Variants in ADAP1 observed in about 807,000 individuals in gnomAD.
ADAP1 encodes the protein ArfGAP with dual PH domains 1.
In ADAP1, 31 loss-of-function variants were observed where a neutral mutation model predicts 54.9. The observed-to-expected ratio is 0.56, with a 90% confidence interval of 0.42 to 0.76. The LOEUF (loss-of-function observed/expected upper bound fraction) is 0.76, where lower values mean the gene tolerates loss of function less well. Ranked by LOEUF, ADAP1 falls within the 30% of genes least tolerant of loss-of-function variation. The probability of loss-of-function intolerance (pLI) is 0.00; values close to 1 mark genes in which losing one functional copy is unlikely to be tolerated. For synonymous variants in ADAP1, 313 were observed against 202.6 expected (o/e 1.55, Z -4.63); for missense variants, 535 against 512.4 (o/e 1.04, Z -0.42).
intron 8 of ADAP1, 48 bp downstream of exon 8, chr7:900,054 C>G: frequency 6.2e-7 from 1 of 1,607,112 alleles, no homozygotes; most frequent in Non-Finnish European, 8.5e-7. Context: ...CCGAGACCCA[C>G]CATGGCGTAC....
intron 4 of ADAP1, among the ~76,000 whole-genome samples, chr7:907,738 C>T (rs1358381576): frequency 6.6e-6 from 1 of 152,222 alleles, no homozygotes; most frequent in East Asian, 1.9e-4. Flanking sequence ...GTGTCCTGGG[C>T]TCCGTCTGCC....
At chr7:925,510 G>T (rs576301612) in intron 3 of ADAP1, among the ~76,000 whole-genome samples, 2 of 137,696 alleles carry the variant, frequency 1.5e-5, no homozygotes, top group Admixed American at 1.5e-4. Context: ...AGGGGCCTTC[G>T]GATCCAGTGA....
chr7:938,732 C>G lies in ADAP1; in HGVS notation c.83-3227G>C, dbSNP rs1846853946. 6.6e-6 allele frequency among the ~76,000 whole-genome samples: 1 copy of G among 152,212 alleles called. No homozygotes were observed. The highest frequency in any genetic ancestry group is 1.9e-4 in the East Asian group (1 of 5,206). On this transcript the variant is annotated intron_variant, in intron 1 of 10. Coordinates refer to ENST00000265846, the MANE Select transcript of ADAP1 (RefSeq NM_006869.4). The surrounding 1 kb of genome is among the most constrained non-coding windows in gnomAD (Gnocchi z 4.4). ...TTACAGGGGTAGCAGGCAACATGAGCCCAGCTGGGAACATCACCGCTCGGG... is the reference window on the plus strand; with the variant it reads ...TTACAGGGGTAGCAGGCAACATGAGGCCAGCTGGGAACATCACCGCTCGGG...
In ADAP1 at chr7:900,797, CGGGGCTGCTACACA is replaced by C. The variant is rs1328568042; in HGVS notation, c.649-195_649-182del. On this transcript the variant is annotated intron_variant, in intron 6 of 10. Coordinates refer to ENST00000265846, the MANE Select transcript of ADAP1 (RefSeq NM_006869.4). The stretch of plus-strand genomic sequence containing the variant: ...CTGGCCCCTGTGCCCACGCTGAGGC[CGGGGCTGCTACACA>C]GGGGCTGCCCCTCTGCGGGAGGGCA... 1.2e-5 allele frequency: 8 copies of C among 654,598 alleles called. No individual in the cohort carries two copies. The African/African-American group carries it at 1.3e-4, about 10-fold the overall frequency. 40.5% of individuals were successfully genotyped at this position (654,598 alleles called of 1,614,324 possible). A position where few individuals can be genotyped will look rare whatever the true frequency, so the allele number is the denominator to read the frequency against.
intron 3 of ADAP1, among the ~76,000 whole-genome samples, chr7:925,808 GC>G (rs1166591186): frequency 6.6e-6 from 1 of 152,252 alleles, no homozygotes; most frequent in Admixed American, 6.5e-5. Flanking sequence ...TGCGGGGTGG[GC>G]CCTCTGCTGA....
intron 2 of ADAP1, chr7:927,186 TG>T: frequency 7.7e-7 from 1 of 1,294,548 alleles, no homozygotes; most frequent in Non-Finnish European, 1.0e-6. Context: ...ACCCAGAACA[TG>T]TTTACGAAAC....
At chr7:947,656 T>G (rs1847177875) in intron 1 of ADAP1, among the ~76,000 whole-genome samples, 2 of 151,828 alleles carry the variant, frequency 1.3e-5, no homozygotes, top group Admixed American at 6.6e-5. Context: ...GCTTTGACCC[T>G]CCCCACACTC....
At chr7:908,733 G>C (rs1410647888) in intron 4 of ADAP1, among the ~76,000 whole-genome samples, 1 of 152,206 alleles carries the variant, frequency 6.6e-6, no homozygotes, top group Non-Finnish European at 1.5e-5. Context: ...GAAGTGCCCG[G>C]GGAGGCATCG....
Position 920,845 on chromosome 7 carries a change from G to A in ADAP1, c.306-795C>T, listed in dbSNP as rs1299930780. On this transcript the variant is annotated intron_variant, in intron 3 of 10. Coordinates refer to ENST00000265846, the MANE Select transcript of ADAP1 (RefSeq NM_006869.4). This position sits in a 1 kb window ranked among gnomAD's most constrained non-coding sequence, Gnocchi z 4.5. ...CACACACAGGCCCGGCACGGCCCAGGTGCACAGGCAGCCGCCCCAGCCTTT... is the reference window on the plus strand; with the variant it reads ...CACACACAGGCCCGGCACGGCCCAGATGCACAGGCAGCCGCCCCAGCCTTT... 3.2e-6 allele frequency: 5 copies of A among 1,550,146 alleles called. No homozygotes were observed. The highest frequency in any genetic ancestry group is 2.0e-5 in the Admixed American group (1 of 50,986).
At chr7:923,268 G>C (rs532632006) in intron 3 of ADAP1, 1 of 152,068 alleles carries the variant, frequency 6.6e-6, no homozygotes, top group Admixed American at 6.6e-5. Context: ...TCCACGGGGG[G>C]CTTGCTGGGG....
In ADAP1 at chr7:904,204, G is replaced by T. The variant is rs140582393; in HGVS notation, c.570C>A (p.Gly190=). 2.0e-5 allele frequency: 32 copies of T among 1,611,270 alleles called. No homozygotes were observed. Among genetic ancestry groups the T allele is most frequent in the African/African-American group, 1.2e-4 (9 of 74,840 alleles). Residue 190 remains glycine, a synonymous_variant, in exon 6 of 11, where the codon GGC becomes GGA. Coordinates refer to ENST00000265846, the MANE Select transcript of ADAP1 (RefSeq NM_006869.4). ...LNATFQPAKI[G]HPHGLQVTYL... ...AGGTGACCTGCAGGCCGTGGGGGTG[G>T]CCGATCTTGGCCGGCTGGAAGGTGG...
At position 938,661 on chromosome 7, in the gene ADAP1, C is replaced by T. The variant is rs1199857297; in HGVS notation, c.83-3156G>A. Among the ~76,000 whole-genome samples, 1 of 152,170 alleles carries T rather than the reference C, an allele frequency of 6.6e-6. No homozygotes were observed. Among genetic ancestry groups the T allele is most frequent in the African/African-American group, 2.4e-5 (1 of 41,436 alleles). ...GGGCGCCCAGAAGGCACGCCAGTCT[C>T]CGGGCCTCGGTCTCCTCATCTGTCG... On this transcript the variant is annotated intron_variant, in intron 1 of 10. Coordinates refer to ENST00000265846, the MANE Select transcript of ADAP1 (RefSeq NM_006869.4). The surrounding 1 kb of genome is among the most constrained non-coding windows in gnomAD (Gnocchi z 4.4).
At chr7:905,744 G>C (rs1845213506) in intron 4 of ADAP1, 2 of 52,100 alleles carry the variant, frequency 3.8e-5, no homozygotes, top group African/African-American at 1.8e-4. Context: ...AGGGAAAGGA[G>C]AAGGGAGAAG....
At chr7:951,453 C>T (rs1432639370) in intron 1 of ADAP1, among the ~76,000 whole-genome samples, 1 of 152,064 alleles carries the variant, frequency 6.6e-6, no homozygotes, top group East Asian at 1.9e-4. Flanking sequence ...CGCCCACACT[C>T]AGCAGCCTTC....
chr7:905,328 G>A (rs1845085874), intron 4 of ADAP1, 156 bp from the exon 5 acceptor site: 1 of 526,878 alleles, frequency 1.9e-6, no homozygotes, highest in Non-Finnish European at 3.5e-6. Context: ...GAGGGGACAT[G>A]GAGGAGACAG....
chr7:923,407 G>A (rs568365017), intron 3 of ADAP1: 1 of 151,902 alleles, frequency 6.6e-6, no homozygotes. Flanking sequence ...AGGAAGCAGG[G>A]AGGGGCCGGT....
At chr7:899,006 A>G (rs1844644115) in intron 10 of ADAP1, 27 bp downstream of exon 10, 2 of 1,609,554 alleles carry the variant, frequency 1.2e-6, no homozygotes. Flanking sequence ...GAGCCCTTCC[A>G]GGCCGCCGGC....
In ADAP1 at chr7:922,269, C is replaced by G. The variant is rs139417432; in HGVS notation, c.306-2219G>C. ...ACGCCCCAGGAAGTGCCCCAAGTTC[C>G]AGGGCTCAGGGGAGCCAGGCTTCAA... On this transcript the variant is annotated intron_variant, in intron 3 of 10. Transcript: ENST00000265846. Among the ~76,000 whole-genome samples, 589 of 152,272 alleles carry G rather than the reference C, an allele frequency of 3.9e-3. 4 individuals are homozygous for G. The highest frequency in any genetic ancestry group is 0.013 in the African/African-American group (547 of 41,552).
In ADAP1 at chr7:900,256, G is replaced by C. The variant is rs537688407; in HGVS notation, c.733-92C>G. ...TGCCCCTCTGTGCTCCCCTCACCCC[G>C]GGCCACCAGGTCAGGGCCCAGGCCT... On this transcript the variant is annotated intron_variant, in intron 7 of 10. Transcript: ENST00000265846. The C allele has an allele frequency of 4.0e-6, 6 of 1,491,090 alleles. No individual in the cohort carries two copies. The African/African-American group carries it at 5.5e-5, about 14-fold the overall frequency. 92.4% of individuals were successfully genotyped at this position (1,491,090 alleles called of 1,614,324 possible). A position where few individuals can be genotyped will look rare whatever the true frequency, so the allele number is the denominator to read the frequency against.
Sources: gnomAD v4.1 joint callset for allele counts (sites outside exome capture counted in the v4.1 genomes callset) on GRCh38, gnomAD v4.1.1 for gene constraint, Gnocchi (gnomAD v3.1) non-coding constraint, MANE v1.5 for transcripts, NCBI Gene and HGNC (gene_info 2026-07-23, HGNC 2026-07-21) for gene names.